The following TNFAIP8 variants were observed in gnomAD, a reference collection of about 807,000 sequenced individuals.
TNFAIP8 encodes the protein TNF alpha induced protein 8.
Under a neutral mutation model 13.3 loss-of-function variants are expected in TNFAIP8, and 7 were observed. That is an observed-to-expected ratio of 0.52 (90% CI 0.30 to 0.99). The LOEUF (loss-of-function observed/expected upper bound fraction) is 0.99, where lower values mean the gene tolerates loss of function less well. TNFAIP8 is among the 50% of genes least tolerant of loss of function. The probability of loss-of-function intolerance (pLI) is 0.07; values close to 1 mark genes in which losing one functional copy is unlikely to be tolerated. For synonymous variants in TNFAIP8, 94 were observed against 87.6 expected, an observed-to-expected ratio of 1.07 and a Z score of -0.41; for missense variants, 258 against 236.9, an observed-to-expected ratio of 1.09 and a Z score of -0.58.
At chr5:119,372,743 T>A (rs186961472) in intron 1 of TNFAIP8, among the ~76,000 whole-genome samples, 24 of 152,320 alleles carry the variant, frequency 1.6e-4, no homozygotes, top group Admixed American at 3.3e-4. Context: ...GAGGATCACC[T>A]GAGGTCAGGA....
chr5:119,391,375 A>T, intron 1 of TNFAIP8: 1 of 702,358 alleles, frequency 1.4e-6, no homozygotes, highest in East Asian at 2.7e-5. Flanking sequence ...GCCTAGGCTT[A>T]AACACTGGCA....
chr5:119,272,869 A>C (rs1019889650), intron 1 of TNFAIP8, among the ~76,000 whole-genome samples: 3 of 152,154 alleles, frequency 2.0e-5, no homozygotes, highest in African/African-American at 7.2e-5. Flanking sequence ...TGTTTCTGTC[A>C]AGGTGACGGG....
chr5:119,296,881 C>G (rs1193725847), intron 1 of TNFAIP8, among the ~76,000 whole-genome samples: 1,537 of 152,128 alleles, frequency 0.01, 17 homozygotes, highest in African/African-American at 0.035. Context: ...AGGAATTTAT[C>G]CATTTCTTCT....
At chr5:119,324,521 G>GT (rs1355742478) in intron 1 of TNFAIP8, among the ~76,000 whole-genome samples, 1 of 151,944 alleles carries the variant, frequency 6.6e-6, no homozygotes, top group Non-Finnish European at 1.5e-5. Flanking sequence ...AGTTTTTATG[G>GT]TTTGTTTTTC....
chr5:119,376,330 G>T (rs937004852), intron 1 of TNFAIP8, among the ~76,000 whole-genome samples: 1 of 151,330 alleles, frequency 6.6e-6, no homozygotes, highest in African/African-American at 2.4e-5. Flanking sequence ...GGCCAGGCTG[G>T]TCTCGAACTG....
At chr5:119,325,690 C>T (rs541257001) in intron 1 of TNFAIP8, among the ~76,000 whole-genome samples, 7 of 152,260 alleles carry the variant, frequency 4.6e-5, no homozygotes, top group African/African-American at 1.4e-4. Flanking sequence ...CCTCGTGATC[C>T]GCCGGCCTCG....
chr5:119,389,673 G>T (rs1427147165), intron 1 of TNFAIP8, among the ~76,000 whole-genome samples: 1 of 152,194 alleles, frequency 6.6e-6, no homozygotes, highest in Non-Finnish European at 1.5e-5. Flanking sequence ...ACTCATGCAT[G>T]TCTTCTTGGT....
intron 1 of TNFAIP8, among the ~76,000 whole-genome samples, chr5:119,339,729 C>A (rs1431034385): frequency 1.3e-5 from 2 of 152,100 alleles, no homozygotes; most frequent in African/African-American, 4.8e-5. Flanking sequence ...TAATTATAGA[C>A]AGCTCTTCAA....
intron 1 of TNFAIP8, among the ~76,000 whole-genome samples, chr5:119,380,671 G>A (rs200609667): frequency 1.3e-5 from 2 of 152,176 alleles, no homozygotes; most frequent in East Asian, 3.8e-4. Context: ...ACAAAGGATA[G>A]TTCACTAAGT....
chr5:119,393,156 C>T lies in TNFAIP8; in HGVS notation c.372C>T (p.Asp124=), dbSNP rs759189435. ...VSFHQVDYTF[D]RNVLSRLLNE... ...TCCATCAGGTGGATTATACCTTTGA[C>T]CGGAATGTGTTATCCAGGCTGTTAA... is the stretch of plus-strand genomic sequence containing the variant. The change falls in exon 2 of 2, where the codon GAC becomes GAT. Residue 124 remains aspartate, a synonymous_variant. Transcript: ENST00000504771. 1.2e-6 allele frequency: 2 copies of T among 1,614,018 alleles called. No individual in the cohort carries two copies. The highest frequency in any genetic ancestry group is 1.7e-5 in the Admixed American group (1 of 60,024).
chr5:119,318,765 G>A lies in TNFAIP8; in HGVS notation c.1+49858G>A, dbSNP rs191441611. Reference sequence around the variant, plus strand: ...CATGAACCCTTGACTCCAGCGTAATGCAGTTTATTAATTCAGAAAACATTT... The same window carrying A: ...CATGAACCCTTGACTCCAGCGTAATACAGTTTATTAATTCAGAAAACATTT... On this transcript the variant is annotated intron_variant, in intron 1 of 1. Coordinates refer to the TNFAIP8 transcript ENST00000274456. Among the ~76,000 whole-genome samples the A allele has an allele frequency of 3.1e-4, 45 of 143,722 alleles. No homozygotes were observed. The East Asian group carries it at 5.6e-3, about 18-fold the overall frequency. The allele number at this position is 143,722 out of a possible 152,430, so 94.3% of individuals were successfully genotyped here. A position where few individuals can be genotyped will look rare whatever the true frequency, so the allele number is the denominator to read the frequency against.
chr5:119,272,478 G>C (rs1277923325), intron 1 of TNFAIP8, among the ~76,000 whole-genome samples: 1 of 152,182 alleles, frequency 6.6e-6, no homozygotes, highest in Non-Finnish European at 1.5e-5. Context: ...TGTTTCACAA[G>C]GGCAGTAGAA....
At chr5:119,373,734 A>C (rs1030999868) in intron 1 of TNFAIP8, among the ~76,000 whole-genome samples, 1 of 152,204 alleles carries the variant, frequency 6.6e-6, no homozygotes, top group African/African-American at 2.4e-5. Flanking sequence ...GACTGATTTT[A>C]GGAGGTCCCA....
At position 119,271,388 on chromosome 5, in the gene TNFAIP8, C is replaced by G. The variant is rs115066101; in HGVS notation, c.1+2481C>G. Reference sequence around the variant, plus strand: ...ATATTTAATTGATCCAATTAATCCTCTTTTGCAGAAGATAGCCCAATGTGG... The same window carrying G: ...ATATTTAATTGATCCAATTAATCCTGTTTTGCAGAAGATAGCCCAATGTGG... On this transcript the variant is annotated intron_variant, in intron 1 of 1. Transcript: ENST00000274456. Among the ~76,000 whole-genome samples the G allele has an allele frequency of 3.7e-3, 564 of 152,332 alleles. 4 individuals carry two copies. The highest frequency in any genetic ancestry group is 0.013 in the African/African-American group (531 of 41,564).
chr5:119,304,682 C>T (rs1749499437), intron 1 of TNFAIP8, among the ~76,000 whole-genome samples: 1 of 152,202 alleles, frequency 6.6e-6, no homozygotes, highest in African/African-American at 2.4e-5. Context: ...CATAACTGTT[C>T]CTGTTTTCTT....
Position 119,393,175 on chromosome 5 carries a change from C to G in TNFAIP8, c.391C>G (p.Leu131Val). Residue 131 changes from leucine (L) to valine (V), a missense_variant, in exon 2 of 2, where the codon CTG becomes GTG. Leu to Val is a conservative substitution (Grantham distance 32). Transcript: ENST00000504771. Reference protein sequence around the residue: ...YTFDRNVLSRLLNECREMLHQ... With the variant: ...YTFDRNVLSRVLNECREMLHQ... ...CTTTGACCGGAATGTGTTATCCAGG[C>G]TGTTAAATGAATGCAGAGAGATGCT... 1.2e-6 allele frequency: 2 copies of G among 1,613,988 alleles called. No homozygotes were observed. The highest frequency in any genetic ancestry group is 1.7e-6 in the Non-Finnish European group (2 of 1,179,886).
intron 1 of TNFAIP8, among the ~76,000 whole-genome samples, chr5:119,375,760 A>G (rs574349252): frequency 6.6e-6 from 1 of 152,302 alleles, no homozygotes; most frequent in East Asian, 1.9e-4. Context: ...GCCGATTTCA[A>G]TAGAGGCAAA....
upstream of TNFAIP8, chr5:119,355,797 G>A: frequency 5.4e-6 from 3 of 552,478 alleles, no homozygotes; most frequent in Non-Finnish European, 7.2e-6. Flanking sequence ...ACCTGCGTGC[G>A]CCCGGGCCGA....
chr5:119,377,992 C>T (rs781509433), intron 1 of TNFAIP8, among the ~76,000 whole-genome samples: 11 of 152,166 alleles, frequency 7.2e-5, no homozygotes, highest in Non-Finnish European at 1.3e-4. Flanking sequence ...AAGGAGGCAG[C>T]CATAATTTAG....
Sources: allele counts gnomAD v4.1 joint callset (sites outside exome capture counted in the v4.1 genomes callset), GRCh38; gene constraint gnomAD v4.1.1; transcripts MANE v1.5; gene names NCBI Gene and HGNC (gene_info 2026-07-23, HGNC 2026-07-21).